The following DGKB variants were observed in gnomAD, a reference collection of about 807,000 sequenced individuals.
DGKB encodes diacylglycerol kinase beta.
A neutral mutation model predicts 114.3 loss-of-function variants in DGKB; 67 were observed. That is an observed-to-expected ratio of 0.59 (90% CI 0.48 to 0.72). DGKB has a LOEUF of 0.72. Ranked by LOEUF, DGKB falls within the 30% of genes least tolerant of loss-of-function variation. The probability of loss-of-function intolerance (pLI) is 0.00; values close to 1 mark genes in which losing one functional copy is unlikely to be tolerated. For missense variants in DGKB, 907 were observed against 975.2 expected, an observed-to-expected ratio of 0.93 and a Z score of 0.93; for synonymous variants, 398 against 323.1, an observed-to-expected ratio of 1.23 and a Z score of -2.49.
intron 23 of DGKB, among the ~76,000 whole-genome samples, chr7:14,221,158 TA>T (rs1336891609): frequency 6.6e-6 from 1 of 151,426 alleles, no homozygotes; most frequent in African/African-American, 2.4e-5. Context: ...GCCTTTTATT[TA>T]TTTTTTTGCC....
At chr7:14,527,436 C>G (rs1475132573) in intron 20 of DGKB, among the ~76,000 whole-genome samples, 3 of 151,876 alleles carry the variant, frequency 2.0e-5, no homozygotes, top group African/African-American at 7.3e-5. Context: ...TTTTCTCATT[C>G]ACTGGTGAAA....
At chr7:14,637,742 T>C (rs1402886822) in intron 13 of DGKB, among the ~76,000 whole-genome samples, 1 of 151,952 alleles carries the variant, frequency 6.6e-6, no homozygotes, top group Admixed American at 6.6e-5. Context: ...TCCACTCTGC[T>C]AAGCAAATGA....
chr7:14,370,292 T>G (rs1205848299), intron 21 of DGKB, among the ~76,000 whole-genome samples: 1 of 152,204 alleles, frequency 6.6e-6, no homozygotes, highest in African/African-American at 2.4e-5. Context: ...CTCTGTTGTG[T>G]TCCATTGGTC....
At chr7:14,152,607 T>C (rs1782386859) in intron 25 of DGKB, among the ~76,000 whole-genome samples, 1 of 152,084 alleles carries the variant, frequency 6.6e-6, no homozygotes, top group South Asian at 2.1e-4. Context: ...TACTTCTGTC[T>C]TCCTGTTTCA....
chr7:14,596,474 A>G (rs751508333), intron 17 of DGKB, among the ~76,000 whole-genome samples: 1 of 152,194 alleles, frequency 6.6e-6, no homozygotes, highest in Non-Finnish European at 1.5e-5. Context: ...ACCAGTGTAA[A>G]GTCACACTGA....
chr7:14,180,027 G>A (rs576385932), intron 23 of DGKB, among the ~76,000 whole-genome samples: 3 of 152,230 alleles, frequency 2.0e-5, no homozygotes, highest in East Asian at 1.9e-4. Context: ...GTTAATATAC[G>A]CATTTCTTAG....
At chr7:14,179,857 C>T (rs577501487) in intron 23 of DGKB, among the ~76,000 whole-genome samples, 121 of 152,258 alleles carry the variant, frequency 7.9e-4, no homozygotes, top group African/African-American at 2.8e-3. Flanking sequence ...TTAGAGCTTC[C>T]ACCTTGCTGT....
chr7:14,276,750 TA>T (rs1799062858), intron 23 of DGKB, among the ~76,000 whole-genome samples: 1 of 151,944 alleles, frequency 6.6e-6, no homozygotes, highest in Admixed American at 6.6e-5. Flanking sequence ...TTATCTCACT[TA>T]ACACAATAAC....
chr7:14,302,200 G>C (rs181664890), intron 23 of DGKB, among the ~76,000 whole-genome samples: 20 of 152,096 alleles, frequency 1.3e-4, no homozygotes, highest in African/African-American at 4.8e-4. Flanking sequence ...AGGTGTTAAG[G>C]TCATATGAAA....
Position 14,218,913 on chromosome 7 carries a change from A to G in DGKB, c.2123-40762T>C, listed in dbSNP as rs762995892. On this transcript the variant is annotated intron_variant, in intron 23 of 25. Transcript: ENST00000402815. ...TTAGATATTGCTGCTGTATTCTCCA[A>G]TCCCCCACCTCTCACCCTCAGTCCA... Among the ~76,000 whole-genome samples, 9 of 151,988 alleles carry G rather than the reference A, an allele frequency of 5.9e-5. No homozygotes were observed. In the South Asian group the frequency reaches 1.5e-3, roughly 25 times the overall value.
rs1251846936 is a variant in DGKB at position 14,570,931 on chromosome 7, T to C, written c.1770+3281A>G. On this transcript the variant is annotated intron_variant, in intron 20 of 25. Transcript: ENST00000402815. ...TAAGGGTTTTACAACCTCGACACTA[T>C]TGACATTTTGAGCTGTATAGCTGTA... Among the ~76,000 whole-genome samples the C allele has an allele frequency of 1.5e-4, 23 of 152,212 alleles. 1 individual carries two copies. The highest frequency in any genetic ancestry group is 1.5e-3 in the Admixed American group (23 of 15,284).
intron 1 of DGKB, among the ~76,000 whole-genome samples, chr7:14,897,349 C>A (rs941207861): frequency 6.6e-6 from 1 of 151,916 alleles, no homozygotes; most frequent in Non-Finnish European, 1.5e-5. Flanking sequence ...CATCAACCAT[C>A]ACTTTACTCT....
intron 25 of DGKB, among the ~76,000 whole-genome samples, chr7:14,173,916 T>G (rs183604140): frequency 6.6e-6 from 1 of 152,332 alleles, no homozygotes; most frequent in Admixed American, 6.5e-5. Flanking sequence ...AAATTTTTAT[T>G]AATTTAACAA....
At chr7:14,262,020 G>C (rs1001268715) in intron 23 of DGKB, among the ~76,000 whole-genome samples, 1 of 152,182 alleles carries the variant, frequency 6.6e-6, no homozygotes, top group Non-Finnish European at 1.5e-5. Context: ...AATGAATCCT[G>C]GGTTGTGTGG....
At chr7:14,223,380 T>G (rs543275650) in intron 23 of DGKB, among the ~76,000 whole-genome samples, 1 of 151,724 alleles carries the variant, frequency 6.6e-6, no homozygotes, top group Non-Finnish European at 1.5e-5. Context: ...CAGTGAGATA[T>G]AGAACTGCTA....
chr7:14,399,891 G>T (rs1289214700), intron 21 of DGKB, among the ~76,000 whole-genome samples: 1 of 151,764 alleles, frequency 6.6e-6, no homozygotes. Flanking sequence ...TAGACTGCCA[G>T]ATTTTTCTCT....
intron 21 of DGKB, among the ~76,000 whole-genome samples, chr7:14,384,214 T>C (rs1326209304): frequency 6.6e-6 from 1 of 152,254 alleles, no homozygotes; most frequent in Non-Finnish European, 1.5e-5. Context: ...GATTGGTTAG[T>C]TAAAAATATA....
At chr7:14,315,071 C>A (rs1458351154) in intron 23 of DGKB, among the ~76,000 whole-genome samples, 2 of 151,080 alleles carry the variant, frequency 1.3e-5, no homozygotes, top group African/African-American at 4.9e-5. Flanking sequence ...ACTTTACAGA[C>A]AAGCAAATGC....
chr7:14,878,269 G>A (rs538194271), intron 1 of DGKB, among the ~76,000 whole-genome samples: 4 of 152,160 alleles, frequency 2.6e-5, no homozygotes, highest in Admixed American at 1.3e-4. Flanking sequence ...AAATGGAAAT[G>A]TAGAGTAAAA....
Sources: gnomAD v4.1 joint callset for allele counts (sites outside exome capture counted in the v4.1 genomes callset) on GRCh38, gnomAD v4.1.1 for gene constraint, MANE v1.5 for transcripts, NCBI Gene and HGNC (gene_info 2026-07-23, HGNC 2026-07-21) for gene names.